EMC3: variants seen among roughly 807,000 people sequenced by gnomAD.
The protein encoded by EMC3 is 30 kDa protein.
A neutral mutation model predicts 36.6 loss-of-function variants in EMC3; 13 were observed. The observed-to-expected ratio is 0.35, with a 90% CI of 0.23 to 0.56. EMC3 has a LOEUF of 0.56. Ranked by LOEUF, EMC3 falls within the 20% of genes least tolerant of loss-of-function variation. EMC3 has a pLI of 0.84. For missense variants in EMC3, 220 were observed against 324.5 expected (o/e 0.68, Z 2.47); for synonymous variants, 120 against 111.9 (o/e 1.07, Z -0.46).
chr3:9,971,826 A>T (rs896289034), intron 5 of EMC3, among the ~76,000 whole-genome samples: 2 of 152,136 alleles, frequency 1.3e-5, no homozygotes, highest in African/African-American at 2.4e-5. Flanking sequence ...GCTCAAACCA[A>T]GTAGTCAAGA....
intron 1 of EMC3, chr3:10,008,660 G>C (rs1479783715): frequency 5.5e-6 from 2 of 362,964 alleles, no homozygotes; most frequent in African/African-American, 4.3e-5. Context: ...AATCTGGCCA[G>C]GAACAGATGG....
intron 1 of EMC3, among the ~76,000 whole-genome samples, chr3:9,998,480 A>C (rs1160375914): frequency 2.0e-5 from 3 of 151,156 alleles, no homozygotes; most frequent in Non-Finnish European, 4.4e-5. Context: ...CCCAGGCTGC[A>C]GTGCAGTGGC....
At chr3:9,980,932 C>T (rs1341258140) in intron 1 of EMC3, among the ~76,000 whole-genome samples, 2 of 152,260 alleles carry the variant, frequency 1.3e-5, no homozygotes, top group South Asian at 2.1e-4. Flanking sequence ...TGGTGGCTCT[C>T]GCCTGTAATC....
intron 1 of EMC3, among the ~76,000 whole-genome samples, chr3:10,005,803 T>C (rs1575706858): frequency 6.6e-6 from 1 of 151,964 alleles, no homozygotes; most frequent in African/African-American, 2.4e-5. Context: ...AATTCAACTA[T>C]CCCATGGCCA....
chr3:9,982,363 C>T (rs1452588114), intron 1 of EMC3, among the ~76,000 whole-genome samples: 2 of 152,146 alleles, frequency 1.3e-5, no homozygotes, highest in African/African-American at 4.8e-5. Flanking sequence ...AAGCGATTCT[C>T]CTGCCTCAGC....
Position 9,974,486 on chromosome 3 carries a change from G to C in EMC3, c.310C>G (p.Pro104Ala). ...KVVPPSPMTDPTMLTDMMKGN... is the reference protein window; with the variant it reads ...KVVPPSPMTDATMLTDMMKGN... ...TTCATCATGTCTGTCAACATAGTAG[G>C]ATCTAAGACAAAAGCACAAACAAGA... Residue 104 changes from proline to alanine, a missense_variant and splice_region_variant, in exon 4 of 8, where the codon CCT becomes GCT. Pro to Ala is a conservative substitution (Grantham distance 27). This residue lies in a region of EMC3 where 127 missense variants were observed against 174.6 expected (regional missense o/e 0.73). Coordinates refer to ENST00000245046, the MANE Select transcript of EMC3 (RefSeq NM_001394674.1). The C allele has an allele frequency of 6.3e-7, 1 of 1,599,856 alleles. No homozygotes were observed. The highest frequency in any genetic ancestry group is 8.6e-7 in the Non-Finnish European group (1 of 1,167,232).
intron 7 of EMC3, chr3:9,968,584 A>G (rs906974963): frequency 6.6e-6 from 1 of 152,170 alleles, no homozygotes; most frequent in African/African-American, 2.4e-5. Context: ...TCAGTCTTTC[A>G]CCATTGAGTA....
exon 1 of EMC3, chr3:10,011,102 G>T (rs1021682770): frequency 6.6e-6 from 1 of 152,480 alleles, no homozygotes; most frequent in African/African-American, 2.4e-5. Context: ...CTGTGTTGGG[G>T]CAGCAGCGCC....
intron 7 of EMC3, 161 bp downstream of exon 7, chr3:9,969,558 T>C (rs1296058825): frequency 2.0e-6 from 3 of 1,514,190 alleles, no homozygotes; most frequent in East Asian, 5.0e-5. Context: ...TAATAGATGA[T>C]TCTGTCTCAG....
chr3:10,002,485 C>T (rs562877959), intron 1 of EMC3, among the ~76,000 whole-genome samples: 1 of 152,118 alleles, frequency 6.6e-6, no homozygotes, highest in South Asian at 2.1e-4. Context: ...GAGGTTTTGC[C>T]ATGTTACCCA....
At chr3:9,980,656 G>A (rs2085901481) in intron 1 of EMC3, among the ~76,000 whole-genome samples, 1 of 150,616 alleles carries the variant, frequency 6.6e-6, no homozygotes, top group Non-Finnish European at 1.5e-5. Context: ...CCAAAGTGCT[G>A]GGATTACAGG....
intron 1 of EMC3, among the ~76,000 whole-genome samples, chr3:9,982,517 G>A (rs2085922657): frequency 6.6e-6 from 1 of 152,086 alleles, no homozygotes; most frequent in Non-Finnish European, 1.5e-5. Context: ...CCTCCCAAAA[G>A]TGCTAGAATT....
upstream of EMC3, chr3:9,988,010 A>G: frequency 5.8e-6 from 5 of 864,526 alleles, no homozygotes; most frequent in Non-Finnish European, 5.8e-6. Context: ...CAAGCAAGGT[A>G]AAGAGCTCAT....
chr3:10,002,162 C>T (rs953931632), intron 1 of EMC3, among the ~76,000 whole-genome samples: 3 of 152,086 alleles, frequency 2.0e-5, no homozygotes, highest in Non-Finnish European at 2.9e-5. Flanking sequence ...ATAAGGATTG[C>T]ATTGAATCAC....
At chr3:9,964,933 G>A (rs1359132882) in intron 7 of EMC3, among the ~76,000 whole-genome samples, 1 of 152,028 alleles carries the variant, frequency 6.6e-6, no homozygotes, top group Non-Finnish European at 1.5e-5. Context: ...TTAAATTAGT[G>A]AGTGTCTAAA....
chr3:9,978,770 G>A, intron 1 of EMC3, among the ~76,000 whole-genome samples: 1 of 152,134 alleles, frequency 6.6e-6, no homozygotes, highest in South Asian at 2.1e-4. Flanking sequence ...GTAGGGGGTT[G>A]CAGTGAGCCG....
At chr3:9,980,627 A>T (rs931743053) in intron 1 of EMC3, among the ~76,000 whole-genome samples, 9 of 146,968 alleles carry the variant, frequency 6.1e-5, no homozygotes, top group Non-Finnish European at 1.2e-4. Context: ...GACTCTAGTG[A>T]TCCACTTGCC....
chr3:9,982,355 G>A (rs1041241720), intron 1 of EMC3, among the ~76,000 whole-genome samples: 1 of 152,226 alleles, frequency 6.6e-6, no homozygotes, highest in South Asian at 2.1e-4. Context: ...CCCAGTTCAA[G>A]CGATTCTCCT....
chr3:10,009,510 C>G (rs2086301266), intron 1 of EMC3, among the ~76,000 whole-genome samples: 1 of 152,174 alleles, frequency 6.6e-6, no homozygotes, highest in African/African-American at 2.4e-5. Context: ...TCCTATAACC[C>G]GAGAATTCTT....
Sources: gnomAD v4.1 joint callset for allele counts (sites outside exome capture counted in the v4.1 genomes callset) on GRCh38, gnomAD v4.1.1 for gene constraint, gnomAD v4.1.1 regional missense constraint, MANE v1.5 for transcripts, NCBI Gene and HGNC (gene_info 2026-07-23, HGNC 2026-07-21) for gene names.